CCDC12: variants seen among roughly 807,000 people sequenced by gnomAD.
The protein encoded by CCDC12 is coiled-coil domain containing 12.
Under a neutral mutation model 25.7 loss-of-function variants are expected in CCDC12, and 28 were observed. The ratio of observed to expected loss-of-function variants is 1.09; its 90% confidence interval spans 0.81 to 1.50. CCDC12 has a LOEUF of 1.50. CCDC12 is among the 40% of genes most tolerant of loss of function. The probability of loss-of-function intolerance (pLI) is 0.00; values close to 1 mark genes in which losing one functional copy is unlikely to be tolerated. For synonymous variants in CCDC12, 75 were observed against 87.7 expected, an observed-to-expected ratio of 0.86 and a Z score of 0.81; for missense variants, 198 against 210.0, an observed-to-expected ratio of 0.94 and a Z score of 0.35.
chr3:46,971,832 G>C (rs2034811078), intron 1 of CCDC12, among the ~76,000 whole-genome samples: 1 of 152,216 alleles, frequency 6.6e-6, no homozygotes, highest in Non-Finnish European at 1.5e-5. Context: ...TGCAGGCAGA[G>C]AAGGTGCTCA....
intron 1 of CCDC12, among the ~76,000 whole-genome samples, chr3:46,946,446 A>G (rs2033910418): frequency 1.3e-5 from 2 of 152,266 alleles, no homozygotes; most frequent in Non-Finnish European, 2.9e-5. Flanking sequence ...TGAGGCAGCT[A>G]AAGAAGGCAG....
chr3:46,947,416 G>A (rs1213598946), intron 1 of CCDC12, among the ~76,000 whole-genome samples: 3 of 152,244 alleles, frequency 2.0e-5, no homozygotes, highest in Non-Finnish European at 2.9e-5. Context: ...GGTGGGAGCT[G>A]TGTTCCAAGG....
chr3:46,976,324 T>A, intron 1 of CCDC12: 1 of 1,271,048 alleles, frequency 7.9e-7, no homozygotes. Flanking sequence ...AACAAGCATC[T>A]GAACCTACAG....
upstream of CCDC12, among the ~76,000 whole-genome samples, chr3:46,979,130 G>A (rs2035126005): frequency 6.6e-6 from 1 of 152,186 alleles, no homozygotes; most frequent in African/African-American, 2.4e-5. Flanking sequence ...GAGGAGGGAG[G>A]GGGACCCGTG....
At chr3:46,974,623 C>A (rs1434975091) in intron 1 of CCDC12, among the ~76,000 whole-genome samples, 1 of 152,242 alleles carries the variant, frequency 6.6e-6, no homozygotes, top group Non-Finnish European at 1.5e-5. Context: ...CTCTAGCCAG[C>A]TTTCACACCC....
intron 2 of CCDC12, among the ~76,000 whole-genome samples, chr3:46,938,169 C>T (rs560492214): frequency 1.2e-4 from 17 of 139,174 alleles, no homozygotes; most frequent in Non-Finnish European, 2.0e-4. Context: ...CAATGTCCAG[C>T]ATGGTTGGTC....
At chr3:46,940,599 T>C in intron 2 of CCDC12, 1 of 185,714 alleles carries the variant, frequency 5.4e-6, no homozygotes, top group Non-Finnish European at 1.1e-5. Flanking sequence ...CACAAAGGGC[T>C]CTGGCTAGAG....
rs540156849 is a variant in CCDC12, at chr3:46,971,922, G to A, written c.96+4715C>T. 5.3e-5 allele frequency among the ~76,000 whole-genome samples: 8 copies of A among 152,198 alleles called. 1 individual carries two copies. In the South Asian group the frequency reaches 1.7e-3, roughly 32 times the overall value. ...CCTCTCTGAAGGAGGAGACTCAAGG[G>A]GTTTTATCTGGCCACAGCAGGCAGT... On this transcript the variant is annotated intron_variant, in intron 1 of 6. Transcript: ENST00000683445.
chr3:46,935,819 G>C (rs2033420545), intron 2 of CCDC12, among the ~76,000 whole-genome samples: 1 of 152,148 alleles, frequency 6.6e-6, no homozygotes, highest in Non-Finnish European at 1.5e-5. Context: ...GGTTGTATGG[G>C]GATAGGACAG....
intron 2 of CCDC12, among the ~76,000 whole-genome samples, chr3:46,931,281 A>G (rs916005716): frequency 1.4e-4 from 22 of 152,334 alleles, no homozygotes; most frequent in African/African-American, 5.3e-4. Flanking sequence ...TGGGCTGGCC[A>G]GGGAGGTTCA....
intron 1 of CCDC12, among the ~76,000 whole-genome samples, chr3:46,955,539 G>A (rs191772442): frequency 1.3e-5 from 2 of 152,264 alleles, no homozygotes; most frequent in African/African-American, 4.8e-5. Flanking sequence ...AGCGGTCAGA[G>A]AGGGGAATGT....
chr3:46,970,284 A>ATTT (rs35814822), intron 1 of CCDC12, among the ~76,000 whole-genome samples: 3,054 of 150,528 alleles, frequency 0.02, 46 homozygotes, highest in Middle Eastern at 0.037. Context: ...ATTTTTTGTG[A>ATTT]TTTTTTTTTT....
In CCDC12 at chr3:46,973,353, C is replaced by CAAA. The variant is rs71098438; in HGVS notation, c.96+3281_96+3283dup. ...GGGCAACAAGAGCGAAGCTCCATCT[C>CAAA]AAAAAAAAAAAAAAAAAATTAATCC... On this transcript the variant is annotated intron_variant, in intron 1 of 6. Transcript: ENST00000683445. Among the ~76,000 whole-genome samples the CAAA allele has an allele frequency of 4.5e-3, 470 of 103,872 alleles. 9 individuals are homozygous for CAAA. The highest frequency in any genetic ancestry group is 0.018 in the African/African-American group (440 of 25,120). The allele number at this position is 103,872 out of a possible 152,430, so 68.1% of individuals were successfully genotyped here. A position where few individuals can be genotyped will look rare whatever the true frequency, so the allele number is the denominator to read the frequency against.
At chr3:46,949,205 T>C (rs1268416915) in intron 1 of CCDC12, among the ~76,000 whole-genome samples, 1 of 152,136 alleles carries the variant, frequency 6.6e-6, no homozygotes, top group East Asian at 1.9e-4. Context: ...TTGGGTGGCA[T>C]TAAGAGGTGT....
chr3:46,937,268 C>A (rs2033484445), intron 2 of CCDC12, among the ~76,000 whole-genome samples: 1 of 152,168 alleles, frequency 6.6e-6, no homozygotes, highest in African/African-American at 2.4e-5. Flanking sequence ...GCCTCTGGAC[C>A]TTTGCCACCC....
At chr3:46,966,804 T>A (rs1445910440) in intron 1 of CCDC12, among the ~76,000 whole-genome samples, 2 of 152,154 alleles carry the variant, frequency 1.3e-5, no homozygotes, top group African/African-American at 4.8e-5. Flanking sequence ...TGGCCTGGAT[T>A]CCACTGGCAC....
At chr3:46,925,375 T>A in intron 3 of CCDC12, 81 bp downstream of exon 3, 1 of 1,210,458 alleles carries the variant, frequency 8.3e-7, no homozygotes, top group Non-Finnish European at 1.2e-6. Context: ...CTGCTGGTTA[T>A]TCTCAGAGAG....
At chr3:46,934,965 G>C (rs1030257399) in intron 2 of CCDC12, among the ~76,000 whole-genome samples, 16 of 152,328 alleles carry the variant, frequency 1.1e-4, no homozygotes, top group South Asian at 2.1e-4. Context: ...ATACACCCTG[G>C]TGTGTGGAAA....
upstream of CCDC12, chr3:46,979,689 CTT>C: frequency 3.2e-6 from 1 of 315,012 alleles, no homozygotes; most frequent in East Asian, 4.7e-5. Context: ...AGCGAGCAGA[CTT>C]GGGTGGCTCT....
Sources: gnomAD v4.1 joint callset for allele counts (sites outside exome capture counted in the v4.1 genomes callset) on GRCh38, gnomAD v4.1.1 for gene constraint, MANE v1.5 for transcripts, NCBI Gene and HGNC (gene_info 2026-07-23, HGNC 2026-07-21) for gene names.